GRM8: variants seen among roughly 807,000 people sequenced by gnomAD.
GRM8 encodes the protein glutamate metabotropic receptor 8.
Under a neutral mutation model 87.2 loss-of-function variants are expected in GRM8, and 47 were observed. The observed-to-expected ratio is 0.54, with a 90% CI of 0.43 to 0.69. GRM8 has a LOEUF of 0.69. Among genes scored for constraint, GRM8 ranks in the 30% least tolerant of loss-of-function variants. GRM8 has a pLI of 0.00. For missense variants in GRM8, 1,019 were observed against 1,139.2 expected, an observed-to-expected ratio of 0.89 and a Z score of 1.52; for synonymous variants, 396 against 404.5, an observed-to-expected ratio of 0.98 and a Z score of 0.25.
intron 8 of GRM8, among the ~76,000 whole-genome samples, chr7:126,550,431 T>G (rs2150926043): frequency 6.6e-6 from 1 of 152,290 alleles, no homozygotes; most frequent in South Asian, 2.1e-4. Flanking sequence ...TTTTTAAAAA[T>G]GAATCATAAA....
intron 2 of GRM8, among the ~76,000 whole-genome samples, chr7:127,153,810 G>T (rs1432740930): frequency 6.6e-6 from 1 of 152,112 alleles, no homozygotes. Context: ...AACACAAACA[G>T]TAAATGGTAA....
intron 3 of GRM8, 99 bp from the exon 4 acceptor site, chr7:126,904,782 T>C: frequency 9.5e-7 from 1 of 1,052,370 alleles, no homozygotes; most frequent in Non-Finnish European, 1.4e-6. Flanking sequence ...TCTGTATGAA[T>C]ATTATTTCTC....
At chr7:126,723,266 C>T (rs137976144) in intron 7 of GRM8, among the ~76,000 whole-genome samples, 30 of 152,012 alleles carry the variant, frequency 2.0e-4, no homozygotes, top group African/African-American at 6.0e-4. Context: ...ATTATGCCTC[C>T]TTCATGAGAC....
chr7:127,129,987 T>C (rs1033256397), intron 2 of GRM8, among the ~76,000 whole-genome samples: 2 of 152,146 alleles, frequency 1.3e-5, no homozygotes, highest in Non-Finnish European at 2.9e-5. Context: ...TGGGAGGTGA[T>C]TGAATCATGG....
intron 3 of GRM8, among the ~76,000 whole-genome samples, chr7:126,994,707 A>G (rs1313054982): frequency 6.6e-6 from 1 of 152,140 alleles, no homozygotes; most frequent in Non-Finnish European, 1.5e-5. Flanking sequence ...TGGTCTGAGT[A>G]CCAGCTTAGC....
chr7:126,513,646 T>C (rs942270586), intron 9 of GRM8, among the ~76,000 whole-genome samples: 1 of 152,142 alleles, frequency 6.6e-6, no homozygotes, highest in African/African-American at 2.4e-5. Context: ...ACATTTCCCT[T>C]CATTATCACC....
chr7:126,885,454 T>C (rs562407868), intron 6 of GRM8, among the ~76,000 whole-genome samples: 151 of 152,250 alleles, frequency 9.9e-4, no homozygotes, highest in African/African-American at 3.4e-3. Context: ...CCCCACAGTC[T>C]ACTCTTTTCT....
At chr7:127,194,298 A>G (rs1391981812) in intron 2 of GRM8, among the ~76,000 whole-genome samples, 1 of 152,222 alleles carries the variant, frequency 6.6e-6, no homozygotes, top group Non-Finnish European at 1.5e-5. Context: ...CATCTGTAAA[A>G]TAAGAACAAT....
At chr7:127,221,618 C>T (rs1327970623) in intron 2 of GRM8, among the ~76,000 whole-genome samples, 1 of 152,190 alleles carries the variant, frequency 6.6e-6, no homozygotes, top group Non-Finnish European at 1.5e-5. Context: ...CCTGAAAGTG[C>T]ATCCTTTCTC....
rs1488880086 is a variant in GRM8 at position 126,769,287 on chromosome 7, C to T, written c.1357+578G>A. Among the ~76,000 whole-genome samples, 6 of 152,168 alleles carry T rather than the reference C, an allele frequency of 3.9e-5. No individual in the cohort carries two copies. The South Asian group carries it at 1.2e-3, about 32-fold the overall frequency. ...TATATTCTGTATCAGTTTCTCGTGG[C>T]AGTCACAGAAACAACATTTCTGCTT... is the stretch of plus-strand genomic sequence containing the variant. On this transcript the variant is annotated intron_variant, in intron 7 of 10. Transcript: ENST00000339582.
chr7:126,687,848 T>C (rs371131227), intron 7 of GRM8, among the ~76,000 whole-genome samples: 2 of 152,202 alleles, frequency 1.3e-5, no homozygotes, highest in South Asian at 2.1e-4. Context: ...GACCTAGATT[T>C]GCATTTCCAT....
chr7:126,957,370 G>T lies in GRM8; in HGVS notation c.728-52687C>A, dbSNP rs531584281. Among the ~76,000 whole-genome samples, 3 of 152,280 alleles carry T rather than the reference G, an allele frequency of 2.0e-5. No homozygotes were observed. In the East Asian group the frequency reaches 5.8e-4, roughly 29 times the overall value. On this transcript the variant is annotated intron_variant, in intron 3 of 10. Coordinates refer to ENST00000339582, the MANE Select transcript of GRM8 (RefSeq NM_000845.3). The stretch of plus-strand genomic sequence containing the variant: ...ACACCAGCTGAGTGGGGAAGGCTCC[G>T]CAGGAATAGGTGGGAGCCCCATCCC...
chr7:126,561,000 A>G (rs1040055910), intron 8 of GRM8, among the ~76,000 whole-genome samples: 2 of 152,178 alleles, frequency 1.3e-5, no homozygotes, highest in Non-Finnish European at 2.9e-5. Context: ...TTTATCTAAG[A>G]CTTGATTAGT....
intron 6 of GRM8, among the ~76,000 whole-genome samples, chr7:126,836,805 C>A (rs1390273224): frequency 6.6e-6 from 1 of 152,104 alleles, no homozygotes; most frequent in African/African-American, 2.4e-5. Flanking sequence ...CATCTAATTA[C>A]TCTTTCCCTC....
intron 7 of GRM8, among the ~76,000 whole-genome samples, chr7:126,674,685 A>T (rs1265220914): frequency 6.6e-6 from 1 of 152,196 alleles, no homozygotes; most frequent in Admixed American, 6.5e-5. Context: ...CCCCAGAAAA[A>T]AAAAGAAAAA....
chr7:127,123,355 A>G (rs527256719), intron 2 of GRM8, among the ~76,000 whole-genome samples: 13 of 152,184 alleles, frequency 8.5e-5, no homozygotes, highest in Non-Finnish European at 1.0e-4. Context: ...CCTGGGGGGA[A>G]TCCTTCCTGA....
At chr7:126,906,883 C>T (rs968065094) in intron 3 of GRM8, among the ~76,000 whole-genome samples, 3 of 152,124 alleles carry the variant, frequency 2.0e-5, no homozygotes, top group African/African-American at 7.2e-5. Context: ...GATATACTAC[C>T]ACTAGTTGTG....
At chr7:126,694,447 T>A (rs956816796) in intron 7 of GRM8, among the ~76,000 whole-genome samples, 7 of 152,320 alleles carry the variant, frequency 4.6e-5, no homozygotes, top group African/African-American at 1.7e-4. Context: ...TAACTGTGAT[T>A]AAACTTTCCA....
chr7:126,687,151 C>A (rs1352687657), intron 7 of GRM8, among the ~76,000 whole-genome samples: 14 of 152,194 alleles, frequency 9.2e-5, no homozygotes, highest in Non-Finnish European at 1.5e-5. Flanking sequence ...GGGGGTCACT[C>A]CCCACCACAC....
Sources: allele counts gnomAD v4.1 joint callset (sites outside exome capture counted in the v4.1 genomes callset), GRCh38; gene constraint gnomAD v4.1.1; transcripts MANE v1.5; gene names NCBI Gene and HGNC (gene_info 2026-07-23, HGNC 2026-07-21).